Variants in TRIB3 observed in about 807,000 individuals in gnomAD.
TRIB3 encodes the protein tribbles homolog 3.
Under a neutral mutation model 16.6 loss-of-function variants are expected in TRIB3, and 20 were observed. The ratio of observed to expected loss-of-function variants is 1.20; its 90% CI spans 0.85 to 1.75. The LOEUF (loss-of-function observed/expected upper bound fraction) is 1.75, where lower values mean the gene tolerates loss of function less well. Among genes scored for constraint, TRIB3 ranks in the 40% most tolerant of loss-of-function variants. The pLI, the probability that TRIB3 is intolerant of heterozygous loss-of-function variation, is 0.00. For missense variants in TRIB3, 484 were observed against 488.9 expected, an observed-to-expected ratio of 0.99 and a Z score of 0.10; for synonymous variants, 208 against 217.0, an observed-to-expected ratio of 0.96 and a Z score of 0.36.
At chr20:386,835 G>T (rs1206789378) in intron 1 of TRIB3, among the ~76,000 whole-genome samples, 1 of 151,958 alleles carries the variant, frequency 6.6e-6, no homozygotes. Flanking sequence ...CTCCCAAAGT[G>T]CTGCCGTGGG....
At chr20:393,795 A>G (rs67921043) in intron 3 of TRIB3, among the ~76,000 whole-genome samples, 26,748 of 152,048 alleles carry the variant, frequency 0.18, 2,853 homozygotes, top group African/African-American at 0.3. Flanking sequence ...AGTCATTCCT[A>G]TGTCGTGACC....
In TRIB3 at chr20:388,067, G is replaced by A; in HGVS notation, c.57G>A (p.Leu19=). ...PAGSLSRKKR[L]ELDDNLDTER... ...GTTCCCTGTCCAGGAAGAAGCGGTTGGAGTTGGATGACAACTTAGATACCG... is the reference window on the plus strand; with the variant it reads ...GTTCCCTGTCCAGGAAGAAGCGGTTAGAGTTGGATGACAACTTAGATACCG... The change falls in exon 2 of 4, where the codon TTG becomes TTA. Residue 19 remains leucine (L), a synonymous_variant. Coordinates refer to ENST00000217233, the MANE Select transcript of TRIB3 (RefSeq NM_021158.5). 1 of 1,614,114 alleles carries A rather than the reference G, an allele frequency of 6.2e-7. No individual in the cohort carries two copies. The highest frequency in any genetic ancestry group is 8.5e-7 in the Non-Finnish European group (1 of 1,180,012).
intron 2 of TRIB3, 87 bp downstream of exon 2, chr20:388,388 C>T: frequency 7.0e-7 from 1 of 1,434,414 alleles, no homozygotes; most frequent in South Asian, 1.4e-5. Context: ...CAGAGGGGTC[C>T]TTATGTTCAT....
chr20:389,920 T>C (rs1332245178), intron 2 of TRIB3, among the ~76,000 whole-genome samples: 2 of 152,168 alleles, frequency 1.3e-5, no homozygotes, highest in Admixed American at 1.3e-4. Context: ...CACAACTTCA[T>C]TGAGCACCCG....
intron 1 of TRIB3, among the ~76,000 whole-genome samples, chr20:384,117 AC>A (rs1026318961): frequency 6.6e-6 from 1 of 151,660 alleles, no homozygotes; most frequent in African/African-American, 2.4e-5. Flanking sequence ...TCCATCTAGC[AC>A]CCCCTAGTCC....
intron 1 of TRIB3, among the ~76,000 whole-genome samples, chr20:383,991 T>C (rs78588885): frequency 0.016 from 2,370 of 152,240 alleles, 70 homozygotes; most frequent in African/African-American, 0.053. Context: ...AGCCAAAGGC[T>C]GGACCTCACC....
chr20:388,030 C>T lies in TRIB3; in HGVS notation c.20C>T (p.Ala7Val). 1 of 1,613,328 alleles carries T rather than the reference C, an allele frequency of 6.2e-7. No homozygotes were observed. The highest frequency in any genetic ancestry group is 8.5e-7 in the Non-Finnish European group (1 of 1,179,326). The change falls in exon 2 of 4, where the codon GCT becomes GTT. Residue 7 changes from alanine (A) to valine (V), a missense_variant. Physicochemically the swap from Ala to Val is moderately conservative, Grantham distance 64. Transcript: ENST00000217233. ...TACCAGATGCGAGCCACCCCTCTGG[C>T]TGCTCCTGCGGGTTCCCTGTCCAGG... MRATPLAAPAGSLSRKK... is the reference protein window; with the variant it reads MRATPLVAPAGSLSRKK...
intron 1 of TRIB3, among the ~76,000 whole-genome samples, chr20:382,822 C>T (rs1428665053): frequency 1.3e-5 from 2 of 152,240 alleles, no homozygotes; most frequent in South Asian, 2.1e-4. Flanking sequence ...CCACTCCTTA[C>T]TGCATTCTTA....
intron 1 of TRIB3, among the ~76,000 whole-genome samples, chr20:383,184 T>C (rs2014709534): frequency 1.3e-5 from 2 of 152,182 alleles, no homozygotes; most frequent in Admixed American, 1.3e-4. Flanking sequence ...CACTTAACAG[T>C]TCACTCTGGA....
intron 2 of TRIB3, among the ~76,000 whole-genome samples, chr20:388,861 C>G (rs1021240482): frequency 1.1e-4 from 16 of 152,146 alleles, no homozygotes; most frequent in Middle Eastern, 3.4e-3. Flanking sequence ...CGGAGGTGAT[C>G]GAGCCTAACC....
intron 2 of TRIB3, among the ~76,000 whole-genome samples, chr20:390,585 AG>A (rs1234351249): frequency 6.6e-6 from 1 of 152,206 alleles, no homozygotes; most frequent in African/African-American, 2.4e-5. Context: ...GATGAGCATC[AG>A]GTGCCTTCTG....
At chr20:394,177 C>T (rs2015062172) in intron 3 of TRIB3, among the ~76,000 whole-genome samples, 1 of 151,996 alleles carries the variant, frequency 6.6e-6, no homozygotes, top group Non-Finnish European at 1.5e-5. Flanking sequence ...ATTACAGGCA[C>T]ACACCACCAC....
At position 380,823 on chromosome 20, in the gene TRIB3, C is replaced by G. The variant is rs900692941; in HGVS notation, c.-347C>G. On this transcript the variant is annotated 5_prime_UTR_variant, in exon 1 of 4. Coordinates refer to ENST00000217233, the MANE Select transcript of TRIB3 (RefSeq NM_021158.5). Reference sequence around the variant, plus strand: ...GCAGCGGATGCAGAGGAGAGAGGCCCGGGCGCGGCGCGGGGGATGGTGCGA... The same window carrying G: ...GCAGCGGATGCAGAGGAGAGAGGCCGGGGCGCGGCGCGGGGGATGGTGCGA... 2 of 151,244 alleles carry G rather than the reference C, an allele frequency of 1.3e-5. No homozygotes were observed. Among genetic ancestry groups the G allele is most frequent in the African/African-American group, 2.4e-5 (1 of 41,264 alleles). The allele number at this position is 151,244 out of a possible 1,614,324, so 9.4% of individuals were successfully genotyped here.
rs201381552 is a variant in TRIB3 at position 396,478 on chromosome 20, C to T, written c.865C>T (p.Arg289Cys). 6.2e-6 allele frequency: 10 copies of T among 1,612,896 alleles called. No individual in the cohort carries two copies. The East Asian group carries it at 6.7e-5, about 11-fold the overall frequency. ...ALPAGLSAPA[R>C]CLVRCLLRRE... ...GCCTGCAGGCCTCTCGGCCCCTGCC[C>T]GCTGTCTGGTTCGCTGCCTCCTTCG... Residue 289 changes from arginine (R) to cysteine (C), a missense_variant, in exon 4 of 4, where the codon CGC becomes TGC. Physicochemically the swap from Arg to Cys is radical, Grantham distance 180. Coordinates refer to ENST00000217233, the MANE Select transcript of TRIB3 (RefSeq NM_021158.5).
intron 2 of TRIB3, among the ~76,000 whole-genome samples, chr20:390,106 C>G (rs1435332278): frequency 6.6e-6 from 1 of 152,104 alleles, no homozygotes; most frequent in Non-Finnish European, 1.5e-5. Context: ...GTAGGCAGAT[C>G]ACCTGAAGTC....
At position 391,445 on chromosome 20, in the gene TRIB3, C is replaced by T; in HGVS notation, c.450C>T (p.Ser150=). Reference sequence around the variant, plus strand: ...GGGACATGCACAGCCTGGTGCGAAGCCGCCACCGTATCCCTGAGCCTGAGG... The same window carrying T: ...GGGACATGCACAGCCTGGTGCGAAGTCGCCACCGTATCCCTGAGCCTGAGG... ...THGDMHSLVR[S]RHRIPEPEAA... Residue 150 remains serine, a synonymous_variant, in exon 3 of 4, where the codon AGC becomes AGT. Transcript: ENST00000217233. 1 of 1,613,872 alleles carries T rather than the reference C, an allele frequency of 6.2e-7. No individual in the cohort carries two copies. Among genetic ancestry groups the T allele is most frequent in the Non-Finnish European group, 8.5e-7 (1 of 1,179,988 alleles).
At chr20:390,996 C>T (rs1191389352) in intron 2 of TRIB3, among the ~76,000 whole-genome samples, 2 of 119,004 alleles carry the variant, frequency 1.7e-5, no homozygotes, top group Admixed American at 8.9e-5. Context: ...AGCGAGACTC[C>T]GTCTCAAAAA....
chr20:382,138 C>CTT (rs1179446115), intron 1 of TRIB3, among the ~76,000 whole-genome samples: 24 of 150,698 alleles, frequency 1.6e-4, no homozygotes, highest in African/African-American at 5.3e-4. Flanking sequence ...CGTGCGCGCG[C>CTT]GCGCTTGCGC....
intron 1 of TRIB3, among the ~76,000 whole-genome samples, chr20:384,311 G>C (rs1238890546): frequency 6.6e-6 from 1 of 152,172 alleles, no homozygotes; most frequent in Non-Finnish European, 1.5e-5. Flanking sequence ...ATTAGGCTCA[G>C]CTGTAATATA....
Sources: allele counts gnomAD v4.1 joint callset (sites outside exome capture counted in the v4.1 genomes callset), GRCh38; gene constraint gnomAD v4.1.1; transcripts MANE v1.5; gene names NCBI Gene and HGNC (gene_info 2026-07-23, HGNC 2026-07-21).